The following SDHAF2 variants were observed in gnomAD, a reference collection of about 807,000 sequenced individuals.
SDHAF2 encodes the protein succinate dehydrogenase assembly factor 2, mitochondrial.
In SDHAF2, 21 loss-of-function variants were observed where a neutral mutation model predicts 18.5. The ratio of observed to expected loss-of-function variants is 1.13; its 90% CI spans 0.80 to 1.63. The LOEUF (loss-of-function observed/expected upper bound fraction) is 1.63. Among genes scored for constraint, SDHAF2 ranks in the 40% most tolerant of loss-of-function variants. The probability of loss-of-function intolerance (pLI) is 0.00; values close to 1 mark genes in which losing one functional copy is unlikely to be tolerated. For synonymous variants in SDHAF2, 84 were observed against 70.7 expected (o/e 1.19, Z -0.94); for missense variants, 195 against 200.3 (o/e 0.97, Z 0.16).
intron 3 of SDHAF2, among the ~76,000 whole-genome samples, chr11:61,443,963 C>T (rs1590768266): frequency 6.6e-6 from 1 of 152,094 alleles, no homozygotes; most frequent in African/African-American, 2.4e-5. Context: ...TCAGTAGAGA[C>T]GGGGTTTCAC....
intron 3 of SDHAF2, among the ~76,000 whole-genome samples, chr11:61,440,186 G>A (rs1033620951): frequency 5.3e-5 from 8 of 152,024 alleles, no homozygotes; most frequent in Non-Finnish European, 1.0e-4. Flanking sequence ...GTGGTGGTGC[G>A]CCCAGCTACT....
intron 1 of SDHAF2, chr11:61,432,770 G>C (rs1026278619): frequency 6.6e-6 from 1 of 150,390 alleles, no homozygotes; most frequent in African/African-American, 2.5e-5. Context: ...GTATTTCTTT[G>C]TGGTTACCAT....
chr11:61,442,710 T>C (rs2134898043), intron 3 of SDHAF2, among the ~76,000 whole-genome samples: 1 of 152,328 alleles, frequency 6.6e-6, no homozygotes, highest in South Asian at 2.1e-4. Flanking sequence ...ATTCTAGTTA[T>C]ACTTAGTTAA....
intron 3 of SDHAF2, among the ~76,000 whole-genome samples, chr11:61,439,693 C>T (rs1347246098): frequency 1.3e-5 from 2 of 152,234 alleles, no homozygotes; most frequent in Non-Finnish European, 1.5e-5. Flanking sequence ...CAAATATTTA[C>T]TCTCCAACCC....
At chr11:61,445,817 G>T in intron 3 of SDHAF2, 124 bp from the exon 4 acceptor site, 1 of 1,133,746 alleles carries the variant, frequency 8.8e-7, no homozygotes, top group Non-Finnish European at 1.3e-6. Flanking sequence ...ATATTTAGAA[G>T]AAGGATGGAG....
rs1862141468 is a variant in SDHAF2 at position 61,446,573 on chromosome 11, G to A, written c.*502G>A. On this transcript the variant is annotated 3_prime_UTR_variant, in exon 4 of 4. Transcript: ENST00000301761. ...GAAGGGAAGCTGATCCCAGCCTCCT[G>A]AGCTGAATCCTTCAAAGGCACAGCA... is the stretch of plus-strand genomic sequence containing the variant. 7 of 452,568 alleles carry A rather than the reference G, an allele frequency of 1.5e-5. No individual in the cohort carries two copies. Among genetic ancestry groups the A allele is most frequent in the Non-Finnish European group, 2.7e-5 (7 of 257,788 alleles). The allele number at this position is 452,568 out of a possible 1,614,324, so 28.0% of individuals were successfully genotyped here. A position where few individuals can be genotyped will look rare whatever the true frequency, so the allele number is the denominator to read the frequency against.
intron 3 of SDHAF2, among the ~76,000 whole-genome samples, chr11:61,439,358 T>G (rs1019121530): frequency 4.6e-5 from 7 of 152,164 alleles, no homozygotes; most frequent in African/African-American, 1.7e-4. Flanking sequence ...TACCCCTCCT[T>G]TGTAGATCCC....
At chr11:61,437,185 C>T (rs1479139090) in intron 1 of SDHAF2, among the ~76,000 whole-genome samples, 1 of 152,062 alleles carries the variant, frequency 6.6e-6, no homozygotes, top group African/African-American at 2.4e-5. Context: ...GGGACAATAT[C>T]AGCATAATTT....
At position 61,438,216 on chromosome 11, in the gene SDHAF2, T is replaced by G. The variant is rs1862019666; in HGVS notation, c.370+103T>G. ...AATTTTTTTCTTTCTTTTTTTTTTT[T>G]GAGACTGAGTTTCACTCTCGTTGCC... On this transcript the variant is annotated intron_variant, in intron 3 of 3. Coordinates refer to ENST00000301761, the MANE Select transcript of SDHAF2 (RefSeq NM_017841.4). The G allele has an allele frequency of 3.2e-6, 3 of 938,258 alleles. No homozygotes were observed. The African/African-American group carries it at 5.0e-5, about 16-fold the overall frequency. The allele number at this position is 938,258 out of a possible 1,614,324, so 58.1% of individuals were successfully genotyped here. A position where few individuals can be genotyped will look rare whatever the true frequency, so the allele number is the denominator to read the frequency against.
intron 3 of SDHAF2, among the ~76,000 whole-genome samples, chr11:61,440,442 C>T (rs1287681182): frequency 2.6e-5 from 4 of 151,812 alleles, no homozygotes; most frequent in Non-Finnish European, 4.4e-5. Context: ...TCTACTAAAA[C>T]GACAAAAAAT....
In SDHAF2 at chr11:61,438,158, A is replaced by T. The variant is rs781174231; in HGVS notation, c.370+45A>T. The stretch of plus-strand genomic sequence containing the variant: ...GCATAATGTGAAAATAGGACAGTTT[A>T]GGCTGATTTGAGTCTAGAATTGTAT... On this transcript the variant is annotated intron_variant, in intron 3 of 3. Transcript: ENST00000301761. 3.5e-6 allele frequency: 5 copies of T among 1,416,024 alleles called. No homozygotes were observed. The Admixed American group carries it at 8.4e-5, about 24-fold the overall frequency. The allele number at this position is 1,416,024 out of a possible 1,614,324, so 87.7% of individuals were successfully genotyped here. A position where few individuals can be genotyped will look rare whatever the true frequency, so the allele number is the denominator to read the frequency against.
At chr11:61,436,968 A>T (rs1565128284) in intron 1 of SDHAF2, 1 of 1,237,978 alleles carries the variant, frequency 8.1e-7, no homozygotes, top group Non-Finnish European at 1.0e-6. Flanking sequence ...CAGGTGAGTG[A>T]GTAGAGTATA....
At chr11:61,433,681 T>G (rs1441132593) in intron 1 of SDHAF2, 1 of 152,226 alleles carries the variant, frequency 6.6e-6, no homozygotes, top group Non-Finnish European at 1.5e-5. Flanking sequence ...CCAGAATGTT[T>G]ATGGTGGGGC....
At position 61,446,060 on chromosome 11, in the gene SDHAF2, A is replaced by G. The variant is rs150187184; in HGVS notation, c.490A>G (p.Lys164Glu). 8.7e-6 allele frequency: 14 copies of G among 1,614,196 alleles called. No individual in the cohort carries two copies. In the African/African-American group the frequency reaches 1.9e-4, roughly 22 times the overall value. Reference sequence around the variant, plus strand: ...CCCAGATCTTGAGTACCTCTTTGAAAAGCCACGTTGAGCTGTGCTCCACGG... The same window carrying G: ...CCCAGATCTTGAGTACCTCTTTGAAGAGCCACGTTGAGCTGTGCTCCACGG... ...RAPDLEYLFE[K>E]PR Residue 164 changes from lysine to glutamate, a missense_variant, in exon 4 of 4, where the codon AAG (lysine) becomes GAG (glutamate). By Grantham distance (56) the Lys-to-Glu change is moderately conservative. Transcript: ENST00000301761.
intron 1 of SDHAF2, chr11:61,431,654 T>C (rs993876273): frequency 1.3e-5 from 2 of 152,116 alleles, no homozygotes; most frequent in African/African-American, 2.4e-5. Context: ...TTTAATTCAT[T>C]ATATTCAGCC....
intron 3 of SDHAF2, among the ~76,000 whole-genome samples, chr11:61,442,140 G>T (rs1160281769): frequency 6.6e-6 from 1 of 152,076 alleles, no homozygotes; most frequent in Non-Finnish European, 1.5e-5. Context: ...CAATCCACCT[G>T]CCTCGGCCTC....
intron 1 of SDHAF2, chr11:61,432,676 C>A (rs533192108): frequency 7.9e-6 from 1 of 126,072 alleles, no homozygotes; most frequent in African/African-American, 2.6e-5. Context: ...CTCTTGTCAT[C>A]CTTTATATTT....
chr11:61,430,538 T>A (rs1861862093), intron 1 of SDHAF2: 1 of 397,302 alleles, frequency 2.5e-6, no homozygotes, highest in African/African-American at 2.0e-5. Flanking sequence ...TTCAGCTTTT[T>A]GTTTGTTTAT....
intron 1 of SDHAF2, among the ~76,000 whole-genome samples, chr11:61,436,498 CCCTTTTCTGT>C (rs1861995456): frequency 6.6e-6 from 1 of 152,180 alleles, no homozygotes; most frequent in Non-Finnish European, 1.5e-5. Context: ...CAACCTGCTG[CCCTTTTCTGT>C]TAGCACTTAG....
Sources: allele counts gnomAD v4.1 joint callset (sites outside exome capture counted in the v4.1 genomes callset), GRCh38; gene constraint gnomAD v4.1.1; transcripts MANE v1.5; gene names NCBI Gene and HGNC (gene_info 2026-07-23, HGNC 2026-07-21).